The following USP40 variants were observed in gnomAD, a reference collection of about 807,000 sequenced individuals.
USP40 encodes the protein ubiquitin specific peptidase 40, also known as ubiquitin carboxyl-terminal hydrolase 40.
In USP40, 143 loss-of-function variants were observed where a neutral mutation model predicts 166.2. That is an observed-to-expected ratio of 0.86 (90% CI 0.75 to 0.99). The LOEUF (loss-of-function observed/expected upper bound fraction) is 0.99. Ranked by LOEUF, USP40 falls within the 50% of genes least tolerant of loss-of-function variation. The probability of loss-of-function intolerance (pLI) is 0.00; values close to 1 mark genes in which losing one functional copy is unlikely to be tolerated. For missense variants in USP40, 1,444 were observed against 1,479.7 expected (o/e 0.98, Z 0.40); for synonymous variants, 498 against 524.0 (o/e 0.95, Z 0.68).
At chr2:233,505,721 A>G (rs1485719327) in intron 21 of USP40, among the ~76,000 whole-genome samples, 1 of 152,208 alleles carries the variant, frequency 6.6e-6, no homozygotes, top group Non-Finnish European at 1.5e-5. Context: ...TAATGGCTTC[A>G]CTGCTGAATT....
Position 233,540,654 on chromosome 2 carries a change from T to C in USP40, c.1170+8A>G, listed in dbSNP as rs371333820. On this transcript the variant is annotated splice_region_variant and intron_variant, in intron 10 of 31. Transcript: ENST00000678225. ...ACTAGGACTTCCCAAAACGATGCCA[T>C]GTATTACCTTCCGCAGTGGTCCATG... 2.2e-5 allele frequency: 35 copies of C among 1,589,942 alleles called. No individual in the cohort carries two copies. The highest frequency in any genetic ancestry group is 2.8e-5 in the Non-Finnish European group (33 of 1,161,126).
At chr2:233,522,550 A>G (rs1006389930) in intron 16 of USP40, among the ~76,000 whole-genome samples, 2 of 152,228 alleles carry the variant, frequency 1.3e-5, no homozygotes, top group African/African-American at 4.8e-5. Flanking sequence ...TGAAGTCTTC[A>G]ATATATGGAA....
chr2:233,549,012 T>C, intron 8 of USP40, 89 bp downstream of exon 8: 1 of 1,347,278 alleles, frequency 7.4e-7, no homozygotes, highest in South Asian at 1.5e-5. Context: ...AGTGGATATA[T>C]AATAAATGGT....
At position 233,486,452 on chromosome 2, in the gene USP40, C is replaced by T. The variant is rs1207206181; in HGVS notation, c.3198-475G>A. Among the ~76,000 whole-genome samples, 1 of 152,110 alleles carries T rather than the reference C, an allele frequency of 6.6e-6. No individual in the cohort carries two copies. Among genetic ancestry groups the T allele is most frequent in the East Asian group, 1.9e-4 (1 of 5,182 alleles). On this transcript the variant is annotated intron_variant, in intron 28 of 31. Coordinates refer to ENST00000678225, the MANE Select transcript of USP40 (RefSeq NM_001365479.2). This position sits in a 1 kb window ranked among gnomAD's most constrained non-coding sequence, Gnocchi z 4.0. ...AGGGTTGGAATTGGGAAGAGAGACA[C>T]AGGGCGGGTGAGACACAAGGCTGCA...
chr2:233,515,541 A>G (rs967610396), intron 18 of USP40, among the ~76,000 whole-genome samples: 4 of 151,622 alleles, frequency 2.6e-5, no homozygotes, highest in Non-Finnish European at 4.4e-5. Flanking sequence ...TCAAGATTCT[A>G]AACCTGGGTT....
Position 233,493,212 on chromosome 2 carries a change from T to C in USP40, c.2917+213A>G. The C allele has an allele frequency of 1.6e-6, 1 of 614,272 alleles. No homozygotes were observed. The highest frequency in any genetic ancestry group is 2.3e-5 in the South Asian group (1 of 42,948). 38.1% of individuals were successfully genotyped at this position (614,272 alleles called of 1,614,324 possible). ...ATTGATATAATAATAAACAACAAGA[T>C]ATATAGTGCTTTACAGAGGTTACAG... is the stretch of plus-strand genomic sequence containing the variant. On this transcript the variant is annotated intron_variant, in intron 25 of 31. Transcript: ENST00000678225. The surrounding 1 kb of genome is among the most constrained non-coding windows in gnomAD (Gnocchi z 4.7).
At position 233,554,579 on chromosome 2, in the gene USP40, ACAT is replaced by A. The variant is rs1158094767; in HGVS notation, c.547-56_547-54del. On this transcript the variant is annotated intron_variant, in intron 5 of 31. Transcript: ENST00000678225. ...AAAACAATTTCAGAGGTTTACAAAC[ACAT>A]CATCAACTCACATATATATTGGGAA... 9 of 1,413,026 alleles carry A rather than the reference ACAT, an allele frequency of 6.4e-6. No homozygotes were observed. In the East Asian group the frequency reaches 1.7e-4, roughly 26 times the overall value. 87.5% of individuals were successfully genotyped at this position (1,413,026 alleles called of 1,614,324 possible). A position where few individuals can be genotyped will look rare whatever the true frequency, so the allele number is the denominator to read the frequency against.
Position 233,478,082 on chromosome 2 carries a change from C to T in USP40, c.3600-579G>A, listed in dbSNP as rs551798505. 3.9e-5 allele frequency among the ~76,000 whole-genome samples: 6 copies of T among 152,392 alleles called. No homozygotes were observed. The South Asian group carries it at 1.2e-3, about 32-fold the overall frequency. ...AGTCCCCGACAGAAAGCCTCCGCGG[C>T]CCACCCGCCATCCCACTGCTGAGCA... On this transcript the variant is annotated intron_variant, in intron 31 of 31. Transcript: ENST00000678225.
chr2:233,554,367 T>A lies in USP40; in HGVS notation c.693+13A>T. Reference sequence around the variant, plus strand: ...AGTGGGGACCCTGGGAAAAAGCAGTTATCTGTCTTTACCTTTGCTGCTTTA... The same window carrying A: ...AGTGGGGACCCTGGGAAAAAGCAGTAATCTGTCTTTACCTTTGCTGCTTTA... On this transcript the variant is annotated intron_variant, in intron 6 of 31. Transcript: ENST00000678225. The A allele has an allele frequency of 3.1e-6, 5 of 1,591,210 alleles. No individual in the cohort carries two copies. The highest frequency in any genetic ancestry group is 4.3e-6 in the Non-Finnish European group (5 of 1,171,624).
chr2:233,524,157 T>C (rs1284725801), intron 15 of USP40, among the ~76,000 whole-genome samples: 1 of 151,936 alleles, frequency 6.6e-6, no homozygotes, highest in Non-Finnish European at 1.5e-5. Flanking sequence ...TGAGATGGAG[T>C]CTTGCCCTGT....
At chr2:233,499,326 A>G (rs2065925639) in intron 22 of USP40, among the ~76,000 whole-genome samples, 2 of 152,114 alleles carry the variant, frequency 1.3e-5, no homozygotes, top group South Asian at 2.1e-4. Flanking sequence ...ATGACCCTGC[A>G]AAGGACATGA....
rs1575226079 is a variant in USP40 at position 233,491,188 on chromosome 2, C to G, written c.2991G>C (p.Thr997=). 1 of 1,610,010 alleles carries G rather than the reference C, an allele frequency of 6.2e-7. No homozygotes were observed. Among genetic ancestry groups the G allele is most frequent in the South Asian group, 1.1e-5 (1 of 89,680 alleles). ...LGDIEISEDA[T]LAELKSQAMT... ...TGACCTGAGACTTCAGCTCCGCCAG[C>G]GTGGCATCTTCTGAGATCTCTATGT... Residue 997 remains threonine (T), a synonymous_variant, in exon 26 of 32, where the codon ACG becomes ACC. Transcript: ENST00000678225.
At chr2:233,488,076 C>T (rs1170908299) in intron 28 of USP40, 163 bp downstream of exon 28, 2 of 731,282 alleles carry the variant, frequency 2.7e-6, no homozygotes, top group African/African-American at 1.7e-5. Flanking sequence ...GTTTTAGATG[C>T]CCAGACATAC....
chr2:233,556,684 G>A, intron 5 of USP40, 171 bp downstream of exon 5: 1 of 494,488 alleles, frequency 2.0e-6, no homozygotes, highest in Non-Finnish European at 3.2e-6. Flanking sequence ...TCTACATGGA[G>A]AAATCTGGAT....
chr2:233,515,647 C>T lies in USP40; in HGVS notation c.2384-3025G>A, dbSNP rs7591924. 6.3e-3 allele frequency among the ~76,000 whole-genome samples: 962 copies of T among 151,950 alleles called. 22 individuals carry two copies. The East Asian group carries it at 0.084, about 13-fold the overall frequency. Reference sequence around the variant, plus strand: ...ATATTTTCTCCCAGTTTGTGGCTTGCCTTTTCAAATGCTTTTTGAAGAGTA... The same window carrying T: ...ATATTTTCTCCCAGTTTGTGGCTTGTCTTTTCAAATGCTTTTTGAAGAGTA... On this transcript the variant is annotated intron_variant, in intron 18 of 31. Transcript: ENST00000678225.
rs2072059269 is a variant in USP40, at chr2:233,565,454, G to A, written c.101C>T (p.Pro34Leu). 1.3e-6 allele frequency: 2 copies of A among 1,537,246 alleles called. No individual in the cohort carries two copies. Among genetic ancestry groups the A allele is most frequent in the Non-Finnish European group, 1.7e-6 (2 of 1,146,866 alleles). ...LKTKALEPPA[P>L]REFTNLSGIR... Reference sequence around the variant, plus strand: ...TCCGCTTAAATTGGTGAATTCTCTAGGAGCAGGTGGCTCCAAAGCTTTAGT... The same window carrying A: ...TCCGCTTAAATTGGTGAATTCTCTAAGAGCAGGTGGCTCCAAAGCTTTAGT... The change falls in exon 2 of 32, where the codon CCT becomes CTT. Residue 34 changes from proline (P) to leucine (L), a missense_variant. Physicochemically the swap from Pro to Leu is moderately conservative, Grantham distance 98. Coordinates refer to ENST00000678225, the MANE Select transcript of USP40 (RefSeq NM_001365479.2).
chr2:233,529,102 T>C (rs747590243), intron 12 of USP40, among the ~76,000 whole-genome samples: 7 of 152,208 alleles, frequency 4.6e-5, no homozygotes, highest in African/African-American at 1.4e-4. Flanking sequence ...CAGGCTCTCT[T>C]TGGACCCAAG....
intron 21 of USP40, among the ~76,000 whole-genome samples, chr2:233,500,253 T>C (rs838558): frequency 0.2 from 29,757 of 152,080 alleles, 3,070 homozygotes; most frequent in Non-Finnish European, 0.21. Context: ...ATCAAGTTAA[T>C]TTCATAGACA....
intron 12 of USP40, among the ~76,000 whole-genome samples, chr2:233,528,511 C>T (rs1007129939): frequency 1.1e-4 from 16 of 152,280 alleles, no homozygotes; most frequent in East Asian, 7.7e-4. Context: ...CACAACCACA[C>T]GAAAGACCTT....
Sources: gnomAD v4.1 joint callset for allele counts (sites outside exome capture counted in the v4.1 genomes callset) on GRCh38, gnomAD v4.1.1 for gene constraint, Gnocchi (gnomAD v3.1) non-coding constraint, MANE v1.5 for transcripts, NCBI Gene and HGNC (gene_info 2026-07-23, HGNC 2026-07-21) for gene names.